The following FILIP1L variants were observed in gnomAD, a reference collection of about 807,000 sequenced individuals.
FILIP1L encodes filamin A-interacting protein 1-like.
FILIP1L carries 55 observed loss-of-function variants against 96.6 expected under a neutral mutation model. The ratio of observed to expected loss-of-function variants is 0.57; its 90% confidence interval spans 0.46 to 0.71. The LOEUF is 0.71. Among genes scored for constraint, FILIP1L ranks in the 30% least tolerant of loss-of-function variants. FILIP1L has a pLI of 0.00. For synonymous variants in FILIP1L, 467 were observed against 473.9 expected (o/e 0.99, Z 0.19); for missense variants, 1,304 against 1,321.2 (o/e 0.99, Z 0.20).
At chr3:99,907,331 TCCACCTCCC>T (rs1706650961) in intron 4 of FILIP1L, among the ~76,000 whole-genome samples, 1 of 152,104 alleles carries the variant, frequency 6.6e-6, no homozygotes, top group Non-Finnish European at 1.5e-5. Context: ...CACTGCAAGC[TCCACCTCCC>T]GGGTTCATGC....
intron 1 of FILIP1L, among the ~76,000 whole-genome samples, chr3:99,985,519 C>T (rs1709312832): frequency 6.6e-6 from 1 of 151,988 alleles, no homozygotes; most frequent in African/African-American, 2.4e-5. Flanking sequence ...GTGAGCTTGC[C>T]AATTCATACT....
At chr3:99,986,926 G>T (rs532529148) in intron 1 of FILIP1L, among the ~76,000 whole-genome samples, 1 of 152,254 alleles carries the variant, frequency 6.6e-6, no homozygotes, top group Admixed American at 6.5e-5. Flanking sequence ...CATATTAGGA[G>T]AGTATACAAA....
At chr3:99,965,242 A>T (rs1036203316) in intron 1 of FILIP1L, among the ~76,000 whole-genome samples, 2 of 152,210 alleles carry the variant, frequency 1.3e-5, no homozygotes, top group Non-Finnish European at 2.9e-5. Context: ...TTTTCCTTTG[A>T]GTCCAAGTGG....
At chr3:100,028,967 G>A (rs924865151) in intron 1 of FILIP1L, among the ~76,000 whole-genome samples, 1 of 151,958 alleles carries the variant, frequency 6.6e-6, no homozygotes, top group South Asian at 2.1e-4. Flanking sequence ...TTACAAGCTC[G>A]TCAGTCCGTT....
intron 1 of FILIP1L, among the ~76,000 whole-genome samples, chr3:100,070,555 A>C (rs750931387): frequency 6.6e-6 from 1 of 152,340 alleles, no homozygotes; most frequent in African/African-American, 2.4e-5. Flanking sequence ...ATGGGGTTGT[A>C]ATAAGATACT....
chr3:100,083,172 A>T (rs911388410), intron 1 of FILIP1L, among the ~76,000 whole-genome samples: 3 of 152,210 alleles, frequency 2.0e-5, no homozygotes, highest in Non-Finnish European at 4.4e-5. Context: ...TTTTTTACTT[A>T]ATGCTTCAGG....
chr3:100,048,796 G>A lies in FILIP1L; in HGVS notation c.-11+65257C>T, dbSNP rs116630045. Reference sequence around the variant, plus strand: ...AACTAGCCCTAGGTTTTTCTCCTAGGACATTTTCTTTCTGCTTCTAAAATT... The same window carrying A: ...AACTAGCCCTAGGTTTTTCTCCTAGAACATTTTCTTTCTGCTTCTAAAATT... On this transcript the variant is annotated intron_variant, in intron 1 of 5. Transcript: ENST00000477258. Among the ~76,000 whole-genome samples, 683 of 152,020 alleles carry A rather than the reference G, an allele frequency of 4.5e-3. 7 individuals carry two copies. The highest frequency in any genetic ancestry group is 0.016 in the African/African-American group (669 of 41,452).
intron 4 of FILIP1L, among the ~76,000 whole-genome samples, chr3:99,871,329 A>T (rs1056318325): frequency 2.0e-5 from 3 of 152,142 alleles, no homozygotes; most frequent in Non-Finnish European, 4.4e-5. Context: ...GTATCAAATA[A>T]GCAGCTTCTA....
intron 4 of FILIP1L, among the ~76,000 whole-genome samples, chr3:99,911,679 A>G (rs1706793195): frequency 1.3e-5 from 2 of 152,152 alleles, no homozygotes; most frequent in Non-Finnish European, 1.5e-5. Flanking sequence ...AAACCTTCAC[A>G]TTCGCTCCCT....
chr3:99,959,357 C>T (rs1232478741), intron 1 of FILIP1L, among the ~76,000 whole-genome samples: 2 of 152,176 alleles, frequency 1.3e-5, no homozygotes, highest in East Asian at 3.8e-4. Flanking sequence ...GCCATGCTGG[C>T]CAGGCTGGTC....
At chr3:100,058,912 G>C (rs967533539) in intron 1 of FILIP1L, among the ~76,000 whole-genome samples, 1 of 152,196 alleles carries the variant, frequency 6.6e-6, no homozygotes, top group Non-Finnish European at 1.5e-5. Flanking sequence ...AACTTAACTT[G>C]CATTTGAGAG....
chr3:99,831,631 A>G (rs1167423561), intron 5 of FILIP1L, among the ~76,000 whole-genome samples: 1 of 152,188 alleles, frequency 6.6e-6, no homozygotes, highest in Non-Finnish European at 1.5e-5. Flanking sequence ...CCTTCCCAAG[A>G]TGGATTTCTG....
intron 1 of FILIP1L, among the ~76,000 whole-genome samples, chr3:100,107,617 A>T (rs1049888291): frequency 2.6e-5 from 4 of 152,196 alleles, no homozygotes; most frequent in Admixed American, 1.3e-4. Flanking sequence ...GAAAGAACAA[A>T]TAAAACCCTG....
intron 1 of FILIP1L, among the ~76,000 whole-genome samples, chr3:100,068,102 A>G (rs2065697250): frequency 6.6e-6 from 1 of 152,252 alleles, no homozygotes; most frequent in Non-Finnish European, 1.5e-5. Context: ...GAAAGATTAC[A>G]TGGAGCATAT....
At chr3:99,997,770 TAAG>T (rs1251737649) in intron 1 of FILIP1L, among the ~76,000 whole-genome samples, 2 of 152,170 alleles carry the variant, frequency 1.3e-5, no homozygotes, top group African/African-American at 4.8e-5. Context: ...AAAGATAAAA[TAAG>T]AATAGCATGA....
At chr3:99,964,491 C>T (rs1708588262) in intron 1 of FILIP1L, 1 of 152,444 alleles carries the variant, frequency 6.6e-6, no homozygotes, top group South Asian at 2.1e-4. Flanking sequence ...GTGATCTGCT[C>T]AGGGCTCAGA....
chr3:99,877,681 C>G (rs950101549), intron 4 of FILIP1L, among the ~76,000 whole-genome samples: 1 of 152,190 alleles, frequency 6.6e-6, no homozygotes, highest in African/African-American at 2.4e-5. Context: ...CTGCCCTATA[C>G]TTGTGAATTG....
At chr3:100,110,973 AACAGTC>A (rs1241872967) in intron 1 of FILIP1L, among the ~76,000 whole-genome samples, 1 of 152,166 alleles carries the variant, frequency 6.6e-6, no homozygotes, top group African/African-American at 2.4e-5. Flanking sequence ...TCCTGTCCTA[AACAGTC>A]ACAAACTTTT....
rs924650123 is a variant in FILIP1L at position 99,830,210 on chromosome 3, C to G, written c.*204G>C. 16 of 292,246 alleles carry G rather than the reference C, an allele frequency of 5.5e-5. No homozygotes were observed. Among genetic ancestry groups the G allele is most frequent in the African/African-American group, 3.5e-4 (16 of 45,972 alleles). The allele number at this position is 292,246 out of a possible 1,614,324, so 18.1% of individuals were successfully genotyped here. The stretch of plus-strand genomic sequence containing the variant: ...GGGTAGATTTGGGTGTGGGTCTAGG[C>G]CTGCGAGTGTTTGTGTGTGCATATA... On this transcript the variant is annotated 3_prime_UTR_variant, in exon 6 of 6. Transcript: ENST00000477258.
Sources: gnomAD v4.1 joint callset for allele counts (sites outside exome capture counted in the v4.1 genomes callset) on GRCh38, gnomAD v4.1.1 for gene constraint, MANE v1.5 for transcripts, NCBI Gene and HGNC (gene_info 2026-07-23, HGNC 2026-07-21) for gene names.